Variants in TTF2 observed in about 807,000 individuals in gnomAD.
TTF2 encodes the protein transcription termination factor 2.
Under a neutral mutation model 142.4 loss-of-function variants are expected in TTF2, and 108 were observed. The observed-to-expected ratio is 0.76, with a 90% CI of 0.65 to 0.89. The LOEUF is 0.89. Ranked by LOEUF, TTF2 falls within the 40% of genes least tolerant of loss-of-function variation. The pLI is 0.00. For synonymous variants in TTF2, 483 were observed against 506.2 expected (o/e 0.95, Z 0.61); for missense variants, 1,327 against 1,379.8 (o/e 0.96, Z 0.61).
rs933117036 is a variant in TTF2, at chr1:117,086,805, A to G, written c.2160+283A>G. Among the ~76,000 whole-genome samples, 4 of 152,114 alleles carry G rather than the reference A, an allele frequency of 2.6e-5. No individual in the cohort carries two copies. The highest frequency in any genetic ancestry group is 5.9e-5 in the Non-Finnish European group (4 of 68,014). On this transcript the variant is annotated intron_variant, in intron 12 of 22. Transcript: ENST00000369466. The surrounding 1 kb of genome is among the most constrained non-coding windows in gnomAD (Gnocchi z 4.2). ...GGGTAATAATCACCTGAATATATAA[A>G]AGCCTTACTTGTTGCTATTTTTATT...
chr1:117,107,344 A>T lies in TTF2; in HGVS notation c.*5820A>T, dbSNP rs564367881. 3.0e-4 allele frequency: 45 copies of T among 152,362 alleles called. 1 individual carries two copies. The highest frequency in any genetic ancestry group is 2.1e-3 in the Admixed American group (32 of 15,306). The allele number at this position is 152,362 out of a possible 1,614,324, so 9.4% of individuals were successfully genotyped here. On this transcript the variant is annotated 3_prime_UTR_variant, in exon 23 of 23. Coordinates refer to ENST00000369466, the MANE Select transcript of TTF2 (RefSeq NM_003594.4). ...GCTTAAAGGCTAACACATTAGCCAGAACCTAGATGTCTTCTGGAAATTTTT... is the reference window on the plus strand; with the variant it reads ...GCTTAAAGGCTAACACATTAGCCAGTACCTAGATGTCTTCTGGAAATTTTT...
At chr1:117,098,612 C>T in intron 21 of TTF2, 1 of 460,564 alleles carries the variant, frequency 2.2e-6, no homozygotes. Context: ...CAGGGATCGA[C>T]AGATTTTTTT....
chr1:117,102,297 G>C lies in TTF2; in HGVS notation c.*773G>C. The C allele has an allele frequency of 6.6e-6, 1 of 152,040 alleles. No homozygotes were observed. 9.4% of individuals were successfully genotyped at this position (152,040 alleles called of 1,614,324 possible). On this transcript the variant is annotated 3_prime_UTR_variant, in exon 23 of 23. Coordinates refer to ENST00000369466, the MANE Select transcript of TTF2 (RefSeq NM_003594.4). ...TTGCACCTGTAACCATCTTTTTATG[G>C]GTGGAGCAGAGAGTCAATCCCTGCA...
At position 117,078,058 on chromosome 1, in the gene TTF2, ACTC is replaced by A; in HGVS notation, c.1701+18_1701+20del. On this transcript the variant is annotated intron_variant, in intron 8 of 22. Coordinates refer to ENST00000369466, the MANE Select transcript of TTF2 (RefSeq NM_003594.4). ...CCGGGCTGAAGGTGAGCCAGGGAAGACTCCTGGTGTAGTCCTCTATGACAGTGC... is the reference window on the plus strand; with the variant it reads ...CCGGGCTGAAGGTGAGCCAGGGAAGACTGGTGTAGTCCTCTATGACAGTGC... The A allele has an allele frequency of 2.5e-6, 4 of 1,612,776 alleles. No individual in the cohort carries two copies. Among genetic ancestry groups the A allele is most frequent in the Non-Finnish European group, 3.4e-6 (4 of 1,179,730 alleles).
rs1238311086 is a variant in TTF2, at chr1:117,086,260, T to C, written c.2055-157T>C. Among the ~76,000 whole-genome samples, 1 of 151,804 alleles carries C rather than the reference T, an allele frequency of 6.6e-6. No homozygotes were observed. Among genetic ancestry groups the C allele is most frequent in the Non-Finnish European group, 1.5e-5 (1 of 67,930 alleles). On this transcript the variant is annotated intron_variant, in intron 11 of 22. Transcript: ENST00000369466. This position sits in a 1 kb window ranked among gnomAD's most constrained non-coding sequence, Gnocchi z 4.2. ...TTTACCTCCAAAATGTGTGTGTGTG[T>C]GTGTGTGTGTGCGTGTGTGTGTTAA...
chr1:117,081,226 G>T (rs1171235063), intron 9 of TTF2, among the ~76,000 whole-genome samples: 2 of 152,204 alleles, frequency 1.3e-5, no homozygotes, highest in African/African-American at 4.8e-5. Flanking sequence ...TTCCACTTCT[G>T]TTATGGCAGA....
chr1:117,097,485 T>C lies in TTF2; in HGVS notation c.3269+52T>C. 6.5e-7 allele frequency: 1 copy of C among 1,543,374 alleles called. No homozygotes were observed. The highest frequency in any genetic ancestry group is 9.0e-7 in the Non-Finnish European group (1 of 1,115,322). ...TGTCACAGCACATCAAGGAGGCCAG[T>C]GGGCTACAGGGGCAGCAAGAACTGA... On this transcript the variant is annotated intron_variant, in intron 21 of 22. Transcript: ENST00000369466. This position sits in a 1 kb window ranked among gnomAD's most constrained non-coding sequence, Gnocchi z 4.1.
At position 117,079,154 on chromosome 1, in the gene TTF2, T is replaced by C. The variant is rs1463856389; in HGVS notation, c.1702-414T>C. Among the ~76,000 whole-genome samples the C allele has an allele frequency of 2.6e-5, 4 of 152,036 alleles. No homozygotes were observed. The highest frequency in any genetic ancestry group is 2.6e-4 in the Admixed American group (4 of 15,268). On this transcript the variant is annotated intron_variant, in intron 8 of 22. Transcript: ENST00000369466. This position sits in a 1 kb window ranked among gnomAD's most constrained non-coding sequence, Gnocchi z 4.2. ...AGTCGGGAGGCTAAGGCAGGAGAAT[T>C]GCTTGAACCTGGGAGGCGGAGGCTG...
intron 3 of TTF2, among the ~76,000 whole-genome samples, chr1:117,062,987 A>G (rs1477534108): frequency 6.6e-6 from 1 of 152,210 alleles, no homozygotes; most frequent in African/African-American, 2.4e-5. Context: ...AATATATTGC[A>G]TTAGAGTACT....
intron 13 of TTF2, among the ~76,000 whole-genome samples, chr1:117,089,246 T>C (rs1252343529): frequency 1.0e-5 from 1 of 98,012 alleles, no homozygotes; most frequent in Non-Finnish European, 2.2e-5. Context: ...ATGCAAAATA[T>C]ATGCAAATAT....
chr1:117,086,874 T>C lies in TTF2; in HGVS notation c.2160+352T>C, dbSNP rs1648062308. Reference sequence around the variant, plus strand: ...ATACTCATGATATTTTTAATATTTATTGTGCAGACTAGTATTTTACTACTA... The same window carrying C: ...ATACTCATGATATTTTTAATATTTACTGTGCAGACTAGTATTTTACTACTA... On this transcript the variant is annotated intron_variant, in intron 12 of 22. Coordinates refer to ENST00000369466, the MANE Select transcript of TTF2 (RefSeq NM_003594.4). This position sits in a 1 kb window ranked among gnomAD's most constrained non-coding sequence, Gnocchi z 4.2. Among the ~76,000 whole-genome samples, 1 of 152,184 alleles carries C rather than the reference T, an allele frequency of 6.6e-6. No homozygotes were observed. Among genetic ancestry groups the C allele is most frequent in the African/African-American group, 2.4e-5 (1 of 41,430 alleles).
chr1:117,077,313 C>T (rs911977852), intron 7 of TTF2, among the ~76,000 whole-genome samples: 3 of 152,160 alleles, frequency 2.0e-5, no homozygotes, highest in African/African-American at 4.8e-5. Context: ...AGCTTTGCAT[C>T]GTGTTACTTA....
In TTF2 at chr1:117,075,634, C is replaced by T; in HGVS notation, c.1050C>T (p.Ser350=). ...SLGEGREAAT[S]SDDEEEDDVV... ...GTGAGGGCCGTGAAGCTGCCACAAGCAGTGACGACGAGGAGGAAGATGATG... is the reference window on the plus strand; with the variant it reads ...GTGAGGGCCGTGAAGCTGCCACAAGTAGTGACGACGAGGAGGAAGATGATG... The change falls in exon 5 of 23, where the codon AGC becomes AGT. Residue 350 remains serine, a synonymous_variant. Transcript: ENST00000369466. This position sits in a 1 kb window ranked among gnomAD's most constrained non-coding sequence, Gnocchi z 4.5. 3 of 1,614,178 alleles carry T rather than the reference C, an allele frequency of 1.9e-6. No homozygotes were observed. The highest frequency in any genetic ancestry group is 2.2e-5 in the South Asian group (2 of 91,086).
At position 117,076,119 on chromosome 1, in the gene TTF2, C is replaced by T; in HGVS notation, c.1276-61C>T. 1 of 1,499,100 alleles carries T rather than the reference C, an allele frequency of 6.7e-7. No homozygotes were observed. The highest frequency in any genetic ancestry group is 1.2e-5 in the South Asian group (1 of 84,424). The allele number at this position is 1,499,100 out of a possible 1,614,324, so 92.9% of individuals were successfully genotyped here. On this transcript the variant is annotated intron_variant, in intron 5 of 22. Coordinates refer to ENST00000369466, the MANE Select transcript of TTF2 (RefSeq NM_003594.4). This position sits in a 1 kb window ranked among gnomAD's most constrained non-coding sequence, Gnocchi z 4.6. The stretch of plus-strand genomic sequence containing the variant: ...TTTGGGTGTTTCAGGCTATTTTAAT[C>T]TGAAACTATTCATCTAACAGTGTGA...
rs1655833936 is a variant in TTF2 at position 117,063,318 on chromosome 1, G to A, written c.218+845G>A. Among the ~76,000 whole-genome samples, 1 of 152,132 alleles carries A rather than the reference G, an allele frequency of 6.6e-6. No individual in the cohort carries two copies. Among genetic ancestry groups the A allele is most frequent in the African/African-American group, 2.4e-5 (1 of 41,400 alleles). On this transcript the variant is annotated intron_variant, in intron 3 of 22. Coordinates refer to ENST00000369466, the MANE Select transcript of TTF2 (RefSeq NM_003594.4). The surrounding 1 kb of genome is among the most constrained non-coding windows in gnomAD (Gnocchi z 4.1). Reference sequence around the variant, plus strand: ...AACCAGTTGAGTTTTGAGAATGCATGTACCTGCTCATAAAACCAAGATCCG... The same window carrying A: ...AACCAGTTGAGTTTTGAGAATGCATATACCTGCTCATAAAACCAAGATCCG...
At chr1:117,068,654 ACTC>A (rs1656348085) in intron 3 of TTF2, among the ~76,000 whole-genome samples, 1 of 151,866 alleles carries the variant, frequency 6.6e-6, no homozygotes, top group Non-Finnish European at 1.5e-5. Flanking sequence ...TGTCTAGAAA[ACTC>A]CTCGTGTTGT....
chr1:117,080,330 AG>A lies in TTF2; in HGVS notation c.1783+682del, dbSNP rs933612826. ...CCTGGCCTAAAAGTAGTCTATAAAA[AG>A]CATCACAGCTACTTTGCTTCACCAA... On this transcript the variant is annotated intron_variant, in intron 9 of 22. Transcript: ENST00000369466. This position sits in a 1 kb window ranked among gnomAD's most constrained non-coding sequence, Gnocchi z 4.3. Among the ~76,000 whole-genome samples, 10 of 152,124 alleles carry A rather than the reference AG, an allele frequency of 6.6e-5. No homozygotes were observed. The highest frequency in any genetic ancestry group is 1.4e-4 in the African/African-American group (6 of 41,424).
At chr1:117,060,432 T>A in intron 1 of TTF2, 23 bp from the exon 2 acceptor site, 1 of 1,611,584 alleles carries the variant, frequency 6.2e-7, no homozygotes, top group Non-Finnish European at 8.5e-7. Context: ...GCGTAATCGT[T>A]GTTCACTTTC....
intron 7 of TTF2, 138 bp from the exon 8 acceptor site, chr1:117,077,778 G>T (rs1657134343): frequency 1.7e-6 from 2 of 1,208,254 alleles, no homozygotes; most frequent in Non-Finnish European, 1.2e-6. Flanking sequence ...AGAACTGCTA[G>T]AGACATGGAA....
Sources: gnomAD v4.1 joint callset for allele counts (sites outside exome capture counted in the v4.1 genomes callset) on GRCh38, gnomAD v4.1.1 for gene constraint, Gnocchi (gnomAD v3.1) non-coding constraint, MANE v1.5 for transcripts, NCBI Gene and HGNC (gene_info 2026-07-23, HGNC 2026-07-21) for gene names.